The following CGNL1 variants were observed in gnomAD, a reference collection of about 807,000 sequenced individuals.
CGNL1 encodes the protein cingulin like 1.
A neutral mutation model predicts 141.2 loss-of-function variants in CGNL1; 132 were observed. That is an observed-to-expected ratio of 0.93 (90% CI 0.81 to 1.08). The LOEUF (loss-of-function observed/expected upper bound fraction) is 1.08. Ranked by LOEUF, CGNL1 falls within the 50% of genes least tolerant of loss-of-function variation. The pLI, the probability that CGNL1 is intolerant of heterozygous loss-of-function variation, is 0.00. For synonymous variants in CGNL1, 690 were observed against 622.1 expected, an observed-to-expected ratio of 1.11 and a Z score of -1.63; for missense variants, 1,870 against 1,588.6, an observed-to-expected ratio of 1.18 and a Z score of -3.01.
chr15:57,427,255 CAGA>C (rs1176187287), intron 1 of CGNL1, among the ~76,000 whole-genome samples: 1 of 152,144 alleles, frequency 6.6e-6, no homozygotes, highest in Admixed American at 6.5e-5. Flanking sequence ...AAAAATATTT[CAGA>C]AGGTTTATTT....
intron 1 of CGNL1, among the ~76,000 whole-genome samples, chr15:57,429,432 C>A (rs940821614): frequency 2.6e-5 from 4 of 152,154 alleles, no homozygotes; most frequent in Non-Finnish European, 5.9e-5. Flanking sequence ...GCCAGATTTG[C>A]GCTTAGAGAG....
chr15:57,461,796 A>G lies in CGNL1; in HGVS notation c.2307A>G (p.Glu769=). The change falls in exon 8 of 19, where the codon GAA becomes GAG. Residue 769 remains glutamate, a synonymous_variant. Transcript: ENST00000281282. Reference sequence around the variant, plus strand: ...CCGCCCTGAAGGGAGCCCTGAAAGAAGAGGTTTCCAGCCATGATCAGGAGA... The same window carrying G: ...CCGCCCTGAAGGGAGCCCTGAAAGAGGAGGTTTCCAGCCATGATCAGGAGA... ...ELTALKGALK[E]EVSSHDQEMD... is the part of the protein sequence containing the mutation. 4 of 1,614,146 alleles carry G rather than the reference A, an allele frequency of 2.5e-6. No individual in the cohort carries two copies. Among genetic ancestry groups the G allele is most frequent in the Non-Finnish European group, 3.4e-6 (4 of 1,180,020 alleles).
chr15:57,525,392 T>G (rs2031547540), intron 12 of CGNL1, among the ~76,000 whole-genome samples: 1 of 152,264 alleles, frequency 6.6e-6, no homozygotes, highest in Non-Finnish European at 1.5e-5. Context: ...CTTCAAAATG[T>G]AAGCACAGCC....
intron 8 of CGNL1, among the ~76,000 whole-genome samples, chr15:57,500,506 C>T (rs766819204): frequency 5.9e-5 from 9 of 152,196 alleles, no homozygotes; most frequent in Non-Finnish European, 8.8e-5. Context: ...CTAGAACGAA[C>T]GTCAGGCCCC....
chr15:57,447,805 CGTGTGTGTGTGTGTGT>C (rs3985737), intron 4 of CGNL1, among the ~76,000 whole-genome samples: 3,460 of 144,440 alleles, frequency 0.024, 140 homozygotes, highest in African/African-American at 0.083. Flanking sequence ...TCTCTCTTTT[CGTGTGTGTGTGTGTGT>C]GTGTGTGTGT....
chr15:57,510,891 GT>G (rs1464044860), intron 8 of CGNL1, among the ~76,000 whole-genome samples: 2 of 152,126 alleles, frequency 1.3e-5, no homozygotes, highest in Non-Finnish European at 2.9e-5. Flanking sequence ...GCTATGCTCT[GT>G]TTGTACAGCT....
chr15:57,466,133 CT>C (rs2063508917), intron 8 of CGNL1, among the ~76,000 whole-genome samples: 1 of 152,206 alleles, frequency 6.6e-6, no homozygotes, highest in South Asian at 2.1e-4. Context: ...TCTTCGTAGT[CT>C]GTTAGGAGAG....
intron 1 of CGNL1, among the ~76,000 whole-genome samples, chr15:57,416,148 C>A (rs1487222417): frequency 6.6e-6 from 1 of 151,784 alleles, no homozygotes; most frequent in Non-Finnish European, 1.5e-5. Flanking sequence ...CCCTTTTAGT[C>A]CCTGTGGTAG....
At chr15:57,477,049 A>G (rs2063665557) in intron 8 of CGNL1, among the ~76,000 whole-genome samples, 2 of 152,202 alleles carry the variant, frequency 1.3e-5, no homozygotes, top group East Asian at 1.9e-4. Context: ...ATTTCTGCAC[A>G]TGTTTCTCAA....
Position 57,549,321 on chromosome 15 carries a change from C to T in CGNL1, c.*1831C>T, listed in dbSNP as rs74372729. On this transcript the variant is annotated 3_prime_UTR_variant, in exon 19 of 19. Transcript: ENST00000281282. The stretch of plus-strand genomic sequence containing the variant: ...TATATGTGGCAGAGATGGTAGTGTT[C>T]AGCTGCTTCAGCAGTGTCCCCAACC... 1 of 152,340 alleles carries T rather than the reference C, an allele frequency of 6.6e-6. No homozygotes were observed. Among genetic ancestry groups the T allele is most frequent in the African/African-American group, 2.4e-5 (1 of 41,452 alleles). The allele number at this position is 152,340 out of a possible 1,614,324, so 9.4% of individuals were successfully genotyped here. A position where few individuals can be genotyped will look rare whatever the true frequency, so the allele number is the denominator to read the frequency against.
intron 4 of CGNL1, among the ~76,000 whole-genome samples, chr15:57,444,857 G>C (rs1333533767): frequency 6.6e-6 from 1 of 152,154 alleles, no homozygotes; most frequent in Non-Finnish European, 1.5e-5. Flanking sequence ...GAAGGGGATG[G>C]GTTACCATTG....
At chr15:57,392,563 A>G (rs2062555053) in intron 1 of CGNL1, among the ~76,000 whole-genome samples, 1 of 152,236 alleles carries the variant, frequency 6.6e-6, no homozygotes, top group Admixed American at 6.5e-5. Flanking sequence ...GCAAAGAAGT[A>G]TGACTGTCAT....
chr15:57,465,337 C>T (rs1263805152), intron 8 of CGNL1, among the ~76,000 whole-genome samples: 1 of 151,326 alleles, frequency 6.6e-6, no homozygotes, highest in Non-Finnish European at 1.5e-5. Context: ...ATTTTTCCTG[C>T]CCCAGGGGGA....
chr15:57,528,650 C>G lies in CGNL1; in HGVS notation c.3040-4C>G. On this transcript the variant is annotated splice_polypyrimidine_tract_variant and splice_region_variant and intron_variant, in intron 12 of 18. Coordinates refer to ENST00000281282, the MANE Select transcript of CGNL1 (RefSeq NM_032866.5). ...AAAACCATCCCAGCTGTCTCTCCTC[C>G]TAGATGCGTCTGATGGAGGAAGAGT... is the stretch of plus-strand genomic sequence containing the variant. 1 of 1,613,880 alleles carries G rather than the reference C, an allele frequency of 6.2e-7. No homozygotes were observed. Among genetic ancestry groups the G allele is most frequent in the Non-Finnish European group, 8.5e-7 (1 of 1,179,864 alleles).
chr15:57,443,579 A>G (rs1245762741), intron 4 of CGNL1, among the ~76,000 whole-genome samples: 1 of 152,148 alleles, frequency 6.6e-6, no homozygotes. Flanking sequence ...TTCCCCCAGC[A>G]CTCAGCTAAC....
At chr15:57,397,427 T>G (rs528155237) in intron 1 of CGNL1, among the ~76,000 whole-genome samples, 1 of 152,350 alleles carries the variant, frequency 6.6e-6, no homozygotes, top group South Asian at 2.1e-4. Flanking sequence ...AGGAAGCTCC[T>G]GATCCTAACT....
At chr15:57,538,075 C>G (rs770043070) in intron 14 of CGNL1, among the ~76,000 whole-genome samples, 2 of 152,208 alleles carry the variant, frequency 1.3e-5, no homozygotes, top group African/African-American at 4.8e-5. Flanking sequence ...TACGATATTC[C>G]CAAGTCAAGG....
In CGNL1 at chr15:57,438,814, G is replaced by A; in HGVS notation, c.815G>A (p.Arg272Lys). The change falls in exon 2 of 19, where the codon AGG becomes AAG. Residue 272 changes from arginine (R) to lysine (K), a missense_variant. Coordinates refer to ENST00000281282, the MANE Select transcript of CGNL1 (RefSeq NM_032866.5). ...GCCCACCCTGAAACCAAGAAAACCA[G>A]GCCAGATGTTCTTCCCTTCCGGCGA... Reference protein sequence around the residue: ...PHAHPETKKTRPDVLPFRRQD... With the variant: ...PHAHPETKKTKPDVLPFRRQD... 6.2e-7 allele frequency: 1 copy of A among 1,614,152 alleles called. No individual in the cohort carries two copies. Among genetic ancestry groups the A allele is most frequent in the African/African-American group, 1.3e-5 (1 of 75,026 alleles).
chr15:57,504,994 A>T (rs1415595620), intron 8 of CGNL1, among the ~76,000 whole-genome samples: 1 of 152,140 alleles, frequency 6.6e-6, no homozygotes, highest in Non-Finnish European at 1.5e-5. Context: ...TGGTTACTCC[A>T]TCCCTCCCAC....
Sources: allele counts gnomAD v4.1 joint callset (sites outside exome capture counted in the v4.1 genomes callset), GRCh38; gene constraint gnomAD v4.1.1; transcripts MANE v1.5; gene names NCBI Gene and HGNC (gene_info 2026-07-23, HGNC 2026-07-21).